The following PCM1 variants were observed in gnomAD, a reference collection of about 807,000 sequenced individuals.
PCM1 encodes pericentriolar material 1.
Under a neutral mutation model 241.9 loss-of-function variants are expected in PCM1, and 157 were observed. That is an observed-to-expected ratio of 0.65 (90% CI 0.57 to 0.74). The LOEUF (loss-of-function observed/expected upper bound fraction) is 0.74. PCM1 is among the 30% of genes least tolerant of loss of function. The probability of loss-of-function intolerance (pLI) is 0.00; values close to 1 mark genes in which losing one functional copy is unlikely to be tolerated. For missense variants in PCM1, 3,478 were observed against 2,360.1 expected, an observed-to-expected ratio of 1.47 and a Z score of -9.81; for synonymous variants, 1,085 against 784.9, an observed-to-expected ratio of 1.38 and a Z score of -6.39.
intron 36 of PCM1, among the ~76,000 whole-genome samples, chr8:18,017,134 G>T (rs1362816121): frequency 6.7e-6 from 1 of 150,358 alleles, no homozygotes; most frequent in East Asian, 2.0e-4. Context: ...CCCAAAAGAT[G>T]CTACAAAAAC....
chr8:18,019,085 A>C (rs969334009), intron 36 of PCM1, among the ~76,000 whole-genome samples: 8 of 151,960 alleles, frequency 5.3e-5, no homozygotes, highest in Middle Eastern at 3.4e-3. Flanking sequence ...TGCCTTTTTC[A>C]GTATTCCAGT....
chr8:18,026,520 A>G lies in PCM1; in HGVS notation c.6049+862A>G, dbSNP rs141676508. The stretch of plus-strand genomic sequence containing the variant: ...GTGATCCGCCTGCCTCAGCCTCCCA[A>G]AGTGCTGAGATTACAGGCGTGAACC... On this transcript the variant is annotated intron_variant, in intron 38 of 38. Coordinates refer to ENST00000325083, the MANE Select transcript of PCM1 (RefSeq NM_006197.4). 3.6e-4 allele frequency among the ~76,000 whole-genome samples: 55 copies of G among 151,716 alleles called. No homozygotes were observed. In the East Asian group the frequency reaches 0.011, roughly 29 times the overall value.
At chr8:17,940,420 T>C (rs1262985433) in intron 6 of PCM1, among the ~76,000 whole-genome samples, 1 of 152,194 alleles carries the variant, frequency 6.6e-6, no homozygotes, top group Non-Finnish European at 1.5e-5. Context: ...GTTTTTGTAG[T>C]TTGTTTTGTT....
rs1199549276 is a variant in PCM1, at chr8:18,029,438, A to G, written c.*1776A>G. The G allele has an allele frequency of 4.6e-6, 1 of 217,188 alleles. No homozygotes were observed. The highest frequency in any genetic ancestry group is 6.8e-5 in the East Asian group (1 of 14,700). 13.5% of individuals were successfully genotyped at this position (217,188 alleles called of 1,614,324 possible). A position where few individuals can be genotyped will look rare whatever the true frequency, so the allele number is the denominator to read the frequency against. ...ATTCTTTATTTTCTCCACTTTAAGCAGGAAAGGGTAAAAACTGTTTTGGTA... is the reference window on the plus strand; with the variant it reads ...ATTCTTTATTTTCTCCACTTTAAGCGGGAAAGGGTAAAAACTGTTTTGGTA... On this transcript the variant is annotated 3_prime_UTR_variant, in exon 39 of 39. Transcript: ENST00000325083.
chr8:18,011,657 A>G lies in PCM1; in HGVS notation c.5351-10A>G. On this transcript the variant is annotated splice_polypyrimidine_tract_variant and intron_variant, in intron 33 of 38. Transcript: ENST00000325083. Reference sequence around the variant, plus strand: ...GAAATTTACTAAAAATTGTGTATTAATCAACTTAGATTTGTCTAAAGCTGA... The same window carrying G: ...GAAATTTACTAAAAATTGTGTATTAGTCAACTTAGATTTGTCTAAAGCTGA... 2 of 1,593,280 alleles carry G rather than the reference A, an allele frequency of 1.3e-6. No homozygotes were observed. The highest frequency in any genetic ancestry group is 2.3e-5 in the South Asian group (2 of 87,122).
chr8:18,025,336 A>ATT (rs574221636), intron 36 of PCM1, 25 bp from the exon 37 acceptor site: 52 of 960,712 alleles, frequency 5.4e-5, no homozygotes, highest in African/African-American at 2.3e-4. Flanking sequence ...TAGAGTATGT[A>ATT]TTTTTTTTTT....
chr8:17,950,306 C>G (rs368461888), intron 7 of PCM1, among the ~76,000 whole-genome samples: 91 of 152,306 alleles, frequency 6.0e-4, no homozygotes, highest in African/African-American at 2.1e-3. Flanking sequence ...CCTTTCACTC[C>G]TCACTGATCT....
chr8:17,999,413 C>T (rs1278543344), intron 29 of PCM1, among the ~76,000 whole-genome samples: 1 of 152,070 alleles, frequency 6.6e-6, no homozygotes, highest in Non-Finnish European at 1.5e-5. Context: ...CCCTTTAAGG[C>T]AGTGGGTTTC....
At chr8:17,988,712 C>T (rs1230714794) in intron 26 of PCM1, among the ~76,000 whole-genome samples, 1 of 151,764 alleles carries the variant, frequency 6.6e-6, no homozygotes, top group Admixed American at 6.6e-5. Flanking sequence ...TGAACAGGCA[C>T]TTAATGAAAG....
intron 2 of PCM1, among the ~76,000 whole-genome samples, chr8:17,932,506 CT>C (rs749707797): frequency 6.6e-6 from 1 of 151,708 alleles, no homozygotes; most frequent in Non-Finnish European, 1.5e-5. Context: ...TGCAGCTGGA[CT>C]TTATATATTC....
intron 8 of PCM1, among the ~76,000 whole-genome samples, chr8:17,952,224 A>AAAAT (rs148620624): frequency 0.24 from 35,793 of 146,890 alleles, 5,686 homozygotes; most frequent in East Asian, 0.46. Context: ...CTTTGTCTCA[A>AAAAT]AAATAAATAA....
intron 2 of PCM1, among the ~76,000 whole-genome samples, chr8:17,935,146 G>A (rs905214420): frequency 1.3e-5 from 2 of 152,098 alleles, no homozygotes; most frequent in African/African-American, 4.8e-5. Context: ...CAGTTCTCCC[G>A]TCTTTGACTC....
intron 36 of PCM1, among the ~76,000 whole-genome samples, chr8:18,020,876 C>A (rs2093695005): frequency 1.3e-5 from 2 of 152,106 alleles, no homozygotes; most frequent in South Asian, 4.1e-4. Flanking sequence ...AGTGGAACCC[C>A]CATCAGTACT....
chr8:17,927,192 T>C (rs2057334098), intron 2 of PCM1: 1 of 150,942 alleles, frequency 6.6e-6, no homozygotes, highest in African/African-American at 2.4e-5. Context: ...AGTGGCATTA[T>C]CTTGGCTTAC....
intron 24 of PCM1, among the ~76,000 whole-genome samples, chr8:17,984,630 C>T (rs2082006529): frequency 6.6e-6 from 1 of 151,800 alleles, no homozygotes; most frequent in African/African-American, 2.4e-5. Context: ...TTTCCATTTT[C>T]TTATTCCTCT....
At chr8:17,923,236 C>T (rs1460752808) in intron 1 of PCM1, 48 bp downstream of exon 1, 1 of 152,498 alleles carries the variant, frequency 6.6e-6, no homozygotes, top group African/African-American at 2.4e-5. Flanking sequence ...GCGGCGCGCC[C>T]CAGAGGCGGG....
chr8:17,932,997 A>C (rs1262589126), intron 2 of PCM1, among the ~76,000 whole-genome samples: 1 of 152,178 alleles, frequency 6.6e-6, no homozygotes, highest in African/African-American at 2.4e-5. Context: ...GTAGTGACTC[A>C]AACGATTTTT....
At chr8:17,978,502 A>C (rs982747566) in intron 23 of PCM1, among the ~76,000 whole-genome samples, 1 of 151,988 alleles carries the variant, frequency 6.6e-6, no homozygotes, top group Admixed American at 6.6e-5. Context: ...TACAAAGAAA[A>C]AGAACCAAAC....
At chr8:17,991,083 G>C (rs2084465500) in intron 27 of PCM1, among the ~76,000 whole-genome samples, 2 of 150,798 alleles carry the variant, frequency 1.3e-5, no homozygotes, top group South Asian at 4.2e-4. Flanking sequence ...ACCAGTAGCT[G>C]TGTCTGAAGT....
Sources: gnomAD v4.1 joint callset for allele counts (sites outside exome capture counted in the v4.1 genomes callset) on GRCh38, gnomAD v4.1.1 for gene constraint, MANE v1.5 for transcripts, NCBI Gene and HGNC (gene_info 2026-07-23, HGNC 2026-07-21) for gene names.